Variants in SLC24A2 observed in about 807,000 individuals in gnomAD.
SLC24A2 encodes the protein solute carrier family 24 member 2, also known as sodium/potassium/calcium exchanger 2.
Under a neutral mutation model 62.0 loss-of-function variants are expected in SLC24A2, and 36 were observed. The ratio of observed to expected loss-of-function variants is 0.58; its 90% CI spans 0.44 to 0.77. SLC24A2 has a LOEUF of 0.77. SLC24A2 is among the 30% of genes least tolerant of loss of function. The probability of loss-of-function intolerance (pLI) is 0.00; values close to 1 mark genes in which losing one functional copy is unlikely to be tolerated. For synonymous variants in SLC24A2, 358 were observed against 294.0 expected (o/e 1.22, Z -2.23); for missense variants, 846 against 817.9 (o/e 1.03, Z -0.42).
the SLC24A2 span, among the ~76,000 whole-genome samples, chr9:20,029,425 T>C: frequency 1.1e-4 from 16 of 152,194 alleles, no homozygotes; most frequent in African/African-American, 3.6e-4. Flanking sequence ...ACAACAACCA[T>C]GTGAGGTAAG....
At chr9:19,682,154 T>C (rs564389590) in intron 2 of SLC24A2, among the ~76,000 whole-genome samples, 1 of 152,222 alleles carries the variant, frequency 6.6e-6, no homozygotes, top group African/African-American at 2.4e-5. Flanking sequence ...TATGTGAACA[T>C]TTTTTCCAGA....
chr9:20,063,782 A>G, the SLC24A2 span, among the ~76,000 whole-genome samples: 4 of 152,234 alleles, frequency 2.6e-5, no homozygotes, highest in African/African-American at 9.6e-5. Flanking sequence ...AGTGCTTGAC[A>G]TCATTAGTTA....
chr9:20,104,981 C>T, the SLC24A2 span, among the ~76,000 whole-genome samples: 2 of 151,940 alleles, frequency 1.3e-5, no homozygotes, highest in East Asian at 3.9e-4. Flanking sequence ...CACATAGGCT[C>T]AAAATAAAAG....
intron 2 of SLC24A2, among the ~76,000 whole-genome samples, chr9:19,674,671 A>G (rs1040465954): frequency 6.6e-6 from 1 of 152,100 alleles, no homozygotes; most frequent in Non-Finnish European, 1.5e-5. Context: ...TTTCCAGTGC[A>G]TTTTGCATTT....
the SLC24A2 span, among the ~76,000 whole-genome samples, chr9:19,911,608 TTGAG>T: frequency 3.9e-5 from 6 of 152,254 alleles, no homozygotes; most frequent in South Asian, 1.2e-3. Context: ...TCTTCCATGA[TTGAG>T]TGAGATTCCC....
chr9:19,930,614 C>T, the SLC24A2 span, among the ~76,000 whole-genome samples: 6 of 152,274 alleles, frequency 3.9e-5, no homozygotes, highest in East Asian at 1.9e-4. Flanking sequence ...GGACTGCTTT[C>T]GAATTTGTGG....
chr9:19,533,234 A>G (rs541024155), intron 8 of SLC24A2, among the ~76,000 whole-genome samples: 1 of 152,316 alleles, frequency 6.6e-6, no homozygotes, highest in Non-Finnish European at 1.5e-5. Context: ...GGCAATCAAA[A>G]TCTACAGAAG....
intron 2 of SLC24A2, among the ~76,000 whole-genome samples, chr9:19,686,083 A>C (rs1819872510): frequency 6.6e-6 from 1 of 152,142 alleles, no homozygotes. Context: ...AAACAACCCT[A>C]TTAAAAAGTG....
At chr9:19,647,882 G>C (rs1818689058) in intron 2 of SLC24A2, among the ~76,000 whole-genome samples, 1 of 152,134 alleles carries the variant, frequency 6.6e-6, no homozygotes, top group East Asian at 1.9e-4. Context: ...CACTTGAGTT[G>C]GACAATATCT....
At chr9:19,872,825 C>G in the SLC24A2 span, among the ~76,000 whole-genome samples, 3 of 152,136 alleles carry the variant, frequency 2.0e-5, no homozygotes, top group Non-Finnish European at 1.5e-5. Context: ...TCCCTTATAC[C>G]ATAGCAATTT....
chr9:20,174,061 C>T, the SLC24A2 span, among the ~76,000 whole-genome samples: 32,309 of 151,846 alleles, frequency 0.21, 4,738 homozygotes, highest in East Asian at 0.72. Context: ...TTATAGCCAG[C>T]TCATCTTTGA....
the SLC24A2 span, among the ~76,000 whole-genome samples, chr9:19,859,946 A>C: frequency 1.3e-5 from 2 of 152,192 alleles, no homozygotes; most frequent in African/African-American, 4.8e-5. Context: ...ATCAGAACTT[A>C]AGTTCCTACA....
At chr9:19,576,658 C>T (rs1836020396) in intron 6 of SLC24A2, among the ~76,000 whole-genome samples, 1 of 152,178 alleles carries the variant, frequency 6.6e-6, no homozygotes, top group Admixed American at 6.5e-5. Context: ...ATGGAGATGA[C>T]TAGTTAAGAG....
chr9:19,783,696 A>G (rs1823080673), intron 2 of SLC24A2, among the ~76,000 whole-genome samples: 1 of 152,238 alleles, frequency 6.6e-6, no homozygotes, highest in Non-Finnish European at 1.5e-5. Flanking sequence ...CAATAATTCA[A>G]AAGTGAAATT....
At chr9:20,117,988 G>A in the SLC24A2 span, among the ~76,000 whole-genome samples, 1 of 152,018 alleles carries the variant, frequency 6.6e-6, no homozygotes, top group Non-Finnish European at 1.5e-5. Context: ...TGACTCTAGG[G>A]CTCAAGTCTT....
chr9:19,567,286 C>G (rs549251925), intron 7 of SLC24A2, among the ~76,000 whole-genome samples: 2 of 151,746 alleles, frequency 1.3e-5, no homozygotes, highest in Admixed American at 1.3e-4. Context: ...GTGGCTCACA[C>G]CTGTAATCCC....
At chr9:20,078,058 G>A in the SLC24A2 span, among the ~76,000 whole-genome samples, 1 of 147,490 alleles carries the variant, frequency 6.8e-6, no homozygotes, top group Admixed American at 6.7e-5. Context: ...TGGGGTTGGG[G>A]GATACTTTCT....
intron 2 of SLC24A2, among the ~76,000 whole-genome samples, chr9:19,656,908 C>A (rs1818958529): frequency 6.6e-6 from 1 of 152,186 alleles, no homozygotes; most frequent in African/African-American, 2.4e-5. Flanking sequence ...CCATCCCTCC[C>A]CTCCCACCTC....
rs61609058 is a variant in SLC24A2 at position 19,509,337 on chromosome 9, G to A, written c.*6816C>T. On this transcript the variant is annotated 3_prime_UTR_variant, in exon 11 of 11. Transcript: ENST00000341998. ...TTTTATTAAAGCACACATCTAAAAT[G>A]TATAAGTAGATTAGGATTGCCTAGA... is the stretch of plus-strand genomic sequence containing the variant. The A allele has an allele frequency of 6.6e-6, 1 of 152,060 alleles. No individual in the cohort carries two copies. The highest frequency in any genetic ancestry group is 1.5e-5 in the Non-Finnish European group (1 of 68,002). The allele number at this position is 152,060 out of a possible 1,614,324, so 9.4% of individuals were successfully genotyped here. A position where few individuals can be genotyped will look rare whatever the true frequency, so the allele number is the denominator to read the frequency against.
Sources: gnomAD v4.1 joint callset for allele counts (sites outside exome capture counted in the v4.1 genomes callset) on GRCh38, gnomAD v4.1.1 for gene constraint, MANE v1.5 for transcripts, NCBI Gene and HGNC (gene_info 2026-07-23, HGNC 2026-07-21) for gene names.